SKI: variants seen among roughly 807,000 people sequenced by gnomAD.
SKI encodes SKI proto-oncogene.
Under a neutral mutation model 59.3 loss-of-function variants are expected in SKI, and 23 were observed. The observed-to-expected ratio is 0.39, with a 90% CI of 0.28 to 0.55. SKI has a LOEUF of 0.55. SKI is among the 20% of genes least tolerant of loss of function. The probability of loss-of-function intolerance (pLI) is 0.67; values close to 1 mark genes in which losing one functional copy is unlikely to be tolerated. For missense variants in SKI, 1,017 were observed against 1,038.9 expected (o/e 0.98, Z 0.29); for synonymous variants, 673 against 488.6 (o/e 1.38, Z -4.98).
In SKI at chr1:2,304,048, C is replaced by T; in HGVS notation, c.1420C>T (p.Pro474Ser). The T allele has an allele frequency of 6.2e-7, 1 of 1,612,570 alleles. No individual in the cohort carries two copies. The highest frequency in any genetic ancestry group is 8.5e-7 in the Non-Finnish European group (1 of 1,179,904). Residue 474 changes from proline to serine, a missense_variant, in exon 4 of 7, where the codon CCA (proline) becomes TCA (serine). Pro to Ser is a moderately conservative substitution (Grantham distance 74). Coordinates refer to ENST00000378536, the MANE Select transcript of SKI (RefSeq NM_003036.4). ...APETLAPVAA[P>S]EEDKDSEAEV... ...AGAGACGCTGGCGCCCGTGGCTGCC[C>T]CAGAGGAGGACAAGGACTCGGAGGC...
chr1:2,236,890 C>T (rs1225854601), intron 1 of SKI, among the ~76,000 whole-genome samples: 3 of 152,184 alleles, frequency 2.0e-5, no homozygotes, highest in Admixed American at 6.5e-5. Context: ...GCTGGAACGT[C>T]GGCGGCTGAC....
At chr1:2,290,066 G>A (rs545949872) in intron 1 of SKI, among the ~76,000 whole-genome samples, 5 of 152,280 alleles carry the variant, frequency 3.3e-5, no homozygotes, top group African/African-American at 4.8e-5. Context: ...GTGTGGCGCC[G>A]GGGGTCCCTG....
rs1180884605 is a variant in SKI, at chr1:2,303,365, G to A, written c.1176G>A (p.Glu392=). Reference sequence around the variant, plus strand: ...CCGCAGTGTCAGCGAGTGAGAAAGAGCTCTCCCCACACCTCCCGGCCCTCA... The same window carrying A: ...CCGCAGTGTCAGCGAGTGAGAAAGAACTCTCCCCACACCTCCCGGCCCTCA... ...WSPAVSASEK[E]LSPHLPALIR... Residue 392 remains glutamate (E), a synonymous_variant, in exon 3 of 7, where the codon GAG becomes GAA. Transcript: ENST00000378536. The surrounding 1 kb of genome is among the most constrained non-coding windows in gnomAD (Gnocchi z 5.6). 1 of 1,613,618 alleles carries A rather than the reference G, an allele frequency of 6.2e-7. No individual in the cohort carries two copies. The highest frequency in any genetic ancestry group is 1.1e-5 in the South Asian group (1 of 91,086).
At chr1:2,278,002 C>T (rs1339904015) in intron 1 of SKI, among the ~76,000 whole-genome samples, 1 of 152,154 alleles carries the variant, frequency 6.6e-6, no homozygotes, top group Non-Finnish European at 1.5e-5. Flanking sequence ...TGGATGCACA[C>T]ATCAGTACCA....
rs781772620 is a variant in SKI, at chr1:2,306,109, C to T, written c.1857C>T (p.Leu619=). The part of the protein sequence containing the change: ...KRNLRKEIER[L]RAENEKKMKE... ...ACCTGCGGAAGGAGATCGAGCGTCT[C>T]CGCGCCGAGAACGAGAAGAAGATGA... The change falls in exon 6 of 7, where the codon CTC becomes CTT. Residue 619 remains leucine, a synonymous_variant. Transcript: ENST00000378536. The T allele has an allele frequency of 3.1e-6, 5 of 1,599,508 alleles. No homozygotes were observed. The highest frequency in any genetic ancestry group is 2.7e-5 in the African/African-American group (2 of 74,850).
rs763890236 is a variant in SKI, at chr1:2,229,432, C to T, written c.666C>T (p.His222=). 2 of 1,611,864 alleles carry T rather than the reference C, an allele frequency of 1.2e-6. No individual in the cohort carries two copies. Among genetic ancestry groups the T allele is most frequent in the Admixed American group, 1.7e-5 (1 of 59,950 alleles). The change falls in exon 1 of 7, where the codon CAC becomes CAT. Residue 222 remains histidine, a synonymous_variant. Transcript: ENST00000378536. This position sits in a 1 kb window ranked among gnomAD's most constrained non-coding sequence, Gnocchi z 6.3. ...ELSERSVRVY[H]ECFGKCKGLL... ...GCGAGCGCAGCGTCCGCGTGTACCA[C>T]GAGTGCTTCGGCAAGTGTAAGGGGC...
At position 2,306,783 on chromosome 1, in the gene SKI, G is replaced by C. The variant is rs1194073828; in HGVS notation, c.*18G>C. On this transcript the variant is annotated 3_prime_UTR_variant, in exon 7 of 7. Coordinates refer to ENST00000378536, the MANE Select transcript of SKI (RefSeq NM_003036.4). ...AGCCGTAGATTCCGTGCCTGCCGCCGCAGCGCCGCCGACAACGCGGGTGCA... is the reference window on the plus strand; with the variant it reads ...AGCCGTAGATTCCGTGCCTGCCGCCCCAGCGCCGCCGACAACGCGGGTGCA... 6.7e-7 allele frequency: 1 copy of C among 1,484,162 alleles called. No homozygotes were observed. Among genetic ancestry groups the C allele is most frequent in the South Asian group, 1.3e-5 (1 of 78,760 alleles). The allele number at this position is 1,484,162 out of a possible 1,614,324, so 91.9% of individuals were successfully genotyped here.
At chr1:2,246,546 G>A (rs984195195) in intron 1 of SKI, among the ~76,000 whole-genome samples, 5 of 152,110 alleles carry the variant, frequency 3.3e-5, no homozygotes, top group Admixed American at 6.5e-5. Flanking sequence ...GGAGCGTCTC[G>A]GCGCCAGATT....
At chr1:2,287,750 G>T (rs534745617) in intron 1 of SKI, among the ~76,000 whole-genome samples, 1 of 152,276 alleles carries the variant, frequency 6.6e-6, no homozygotes, top group Admixed American at 6.5e-5. Context: ...CAGGGCTTGT[G>T]GCAGCCGTGA....
chr1:2,240,045 A>G (rs546492647), intron 1 of SKI, among the ~76,000 whole-genome samples: 2 of 152,334 alleles, frequency 1.3e-5, no homozygotes, highest in African/African-American at 4.8e-5. Flanking sequence ...TGGTGTTTCA[A>G]TGGACTGTAG....
chr1:2,232,946 G>A (rs540825293), intron 1 of SKI, among the ~76,000 whole-genome samples: 4 of 152,100 alleles, frequency 2.6e-5, no homozygotes, highest in Non-Finnish European at 4.4e-5. Context: ...CTTTCCGGTC[G>A]GCTCGCCTCC....
In SKI at chr1:2,304,721, G is replaced by C. The variant is rs1272324953; in HGVS notation, c.1767+136G>C. The stretch of plus-strand genomic sequence containing the variant: ...CTCCTCTCTGCCTCCACCTCAGTGG[G>C]CCTGCCTGGGACCTTGGGGGTCCGT... On this transcript the variant is annotated intron_variant, in intron 5 of 6. Transcript: ENST00000378536. 51 of 1,390,714 alleles carry C rather than the reference G, an allele frequency of 3.7e-5. No homozygotes were observed. The East Asian group carries it at 1.3e-3, about 34-fold the overall frequency. 86.1% of individuals were successfully genotyped at this position (1,390,714 alleles called of 1,614,324 possible). A position where few individuals can be genotyped will look rare whatever the true frequency, so the allele number is the denominator to read the frequency against.
chr1:2,246,572 A>C (rs1385481509), intron 1 of SKI, among the ~76,000 whole-genome samples: 1 of 152,056 alleles, frequency 6.6e-6, no homozygotes, highest in Non-Finnish European at 1.5e-5. Flanking sequence ...TTGTAAGAGG[A>C]GACGCTCTGT....
chr1:2,240,112 G>A (rs2100806983), intron 1 of SKI, among the ~76,000 whole-genome samples: 1 of 152,388 alleles, frequency 6.6e-6, no homozygotes, highest in African/African-American at 2.4e-5. Flanking sequence ...GTCCTGGTTT[G>A]CTCAGTGAAG....
chr1:2,239,530 C>T (rs1220807060), intron 1 of SKI, among the ~76,000 whole-genome samples: 2 of 152,202 alleles, frequency 1.3e-5, no homozygotes, highest in African/African-American at 4.8e-5. Context: ...CACCTTTGTA[C>T]GGGGACACAC....
In SKI at chr1:2,307,953, GT is replaced by G. The variant is rs1311824270; in HGVS notation, c.*1189del. Reference sequence around the variant, plus strand: ...TCTTGTACAGCAAATCCTGACTCGTGTCTTTTTACCCCCAAGATATCTGTCT... The same window carrying G: ...TCTTGTACAGCAAATCCTGACTCGTGCTTTTTACCCCCAAGATATCTGTCT... On this transcript the variant is annotated 3_prime_UTR_variant, in exon 7 of 7. Coordinates refer to ENST00000378536, the MANE Select transcript of SKI (RefSeq NM_003036.4). 1 of 152,436 alleles carries G rather than the reference GT, an allele frequency of 6.6e-6. No homozygotes were observed. Among genetic ancestry groups the G allele is most frequent in the Non-Finnish European group, 1.5e-5 (1 of 68,038 alleles). 9.4% of individuals were successfully genotyped at this position (152,436 alleles called of 1,614,324 possible). A position where few individuals can be genotyped will look rare whatever the true frequency, so the allele number is the denominator to read the frequency against.
At chr1:2,264,100 C>G (rs1001985563) in intron 1 of SKI, among the ~76,000 whole-genome samples, 2 of 152,002 alleles carry the variant, frequency 1.3e-5, no homozygotes, top group African/African-American at 4.8e-5. Flanking sequence ...GCTATATAGA[C>G]TATTCAGTTT....
intron 1 of SKI, among the ~76,000 whole-genome samples, chr1:2,255,346 A>G (rs1003078048): frequency 6.6e-6 from 1 of 152,242 alleles, no homozygotes; most frequent in African/African-American, 2.4e-5. Context: ...TTGAGTTTTG[A>G]TAAATCTATC....
In SKI at chr1:2,285,170, C is replaced by T. The variant is rs181093121; in HGVS notation, c.970-17808C>T. Among the ~76,000 whole-genome samples the T allele has an allele frequency of 2.8e-3, 431 of 152,200 alleles. 2 individuals carry two copies. The highest frequency in any genetic ancestry group is 9.1e-3 in the African/African-American group (379 of 41,524). On this transcript the variant is annotated intron_variant, in intron 1 of 6. Transcript: ENST00000378536. ...TCTAGTAAATTTCCATCTGCCCTGA[C>T]GTCAGCTGCCTTTTTGACATGCATT...
Sources: gnomAD v4.1 joint callset for allele counts (sites outside exome capture counted in the v4.1 genomes callset) on GRCh38, gnomAD v4.1.1 for gene constraint, Gnocchi (gnomAD v3.1) non-coding constraint, MANE v1.5 for transcripts, NCBI Gene and HGNC (gene_info 2026-07-23, HGNC 2026-07-21) for gene names.